KIF7: variants seen among roughly 807,000 people sequenced by gnomAD.
KIF7 encodes the protein kinesin-like protein KIF7.
In KIF7, 104 loss-of-function variants were observed where a neutral mutation model predicts 135.7. The ratio of observed to expected loss-of-function variants is 0.77; its 90% CI spans 0.65 to 0.90. The LOEUF (loss-of-function observed/expected upper bound fraction) is 0.90. KIF7 is among the 40% of genes least tolerant of loss of function. The pLI is 0.00. For synonymous variants in KIF7, 883 were observed against 809.4 expected (o/e 1.09, Z -1.54); for missense variants, 2,005 against 1,839.1 (o/e 1.09, Z -1.65).
chr15:89,645,553 C>A (rs1287552697), intron 8 of KIF7, 102 bp from the exon 9 acceptor site: 4 of 905,812 alleles, frequency 4.4e-6, no homozygotes, highest in Admixed American at 2.0e-5. Flanking sequence ...GGTCTTCCAC[C>A]TCCCAGGGTC....
chr15:89,647,350 C>T (rs994821348), intron 6 of KIF7, among the ~76,000 whole-genome samples: 1 of 152,180 alleles, frequency 6.6e-6, no homozygotes, highest in Non-Finnish European at 1.5e-5. Context: ...GCTGCTGCCC[C>T]TCCTGTCCCC....
At chr15:89,654,624 G>A (rs1964179266) in intron 1 of KIF7, among the ~76,000 whole-genome samples, 1 of 152,112 alleles carries the variant, frequency 6.6e-6, no homozygotes, top group Non-Finnish European at 1.5e-5. Flanking sequence ...TCCCAGACCA[G>A]GAGCTGGAAG....
At chr15:89,642,122 C>T (rs997548259) in intron 11 of KIF7, 81 bp downstream of exon 11, 2 of 1,428,958 alleles carry the variant, frequency 1.4e-6, no homozygotes, top group Non-Finnish European at 9.7e-7. Context: ...GGCCTCAGAG[C>T]CCACATGTCC....
At chr15:89,625,985 T>C (rs115462840), downstream of KIF7, 1,241 of 1,607,150 alleles carry the variant, frequency 7.7e-4, 12 homozygotes, top group African/African-American at 0.014. Flanking sequence ...TCTCTGCCAG[T>C]GCCCTCCAGG....
At chr15:89,624,024 A>G (rs1054307582), downstream of KIF7, 1 of 1,613,808 alleles carries the variant, frequency 6.2e-7, no homozygotes, top group Non-Finnish European at 8.5e-7. Flanking sequence ...AGCCCAGGAG[A>G]GAGTGTCTCA....
In KIF7 at chr15:89,645,493, T is replaced by C. The variant is rs969063647; in HGVS notation, c.1923-42A>G. Reference sequence around the variant, plus strand: ...GGAGGCCATGCTCCTCCCCAGCCCCTGCCCCAGCCTAGCCACCCCCAGGCC... The same window carrying C: ...GGAGGCCATGCTCCTCCCCAGCCCCCGCCCCAGCCTAGCCACCCCCAGGCC... On this transcript the variant is annotated intron_variant, in intron 8 of 18. Transcript: ENST00000394412. 3.3e-6 allele frequency: 5 copies of C among 1,500,156 alleles called. No homozygotes were observed. The Admixed American group carries it at 9.2e-5, about 28-fold the overall frequency. 92.9% of individuals were successfully genotyped at this position (1,500,156 alleles called of 1,614,324 possible).
downstream of KIF7, chr15:89,623,502 A>G: frequency 9.4e-7 from 1 of 1,059,652 alleles, no homozygotes; most frequent in Non-Finnish European, 1.4e-6. Flanking sequence ...TGAGATTTCC[A>G]TCTTTAGATC....
At chr15:89,644,980 G>A (rs369444819) in intron 10 of KIF7, 33 bp downstream of exon 10, 166 of 1,604,722 alleles carry the variant, frequency 1.0e-4, no homozygotes, top group Non-Finnish European at 1.3e-4. Context: ...AGTCCCCCTC[G>A]GGTGAGAGGC....
chr15:89,623,790 C>A, downstream of KIF7: 1 of 1,613,966 alleles, frequency 6.2e-7, no homozygotes, highest in South Asian at 1.1e-5. Flanking sequence ...TAAAAGACTC[C>A]TCCTCACCCG....
chr15:89,623,341 T>C (rs1018410028), downstream of KIF7, among the ~76,000 whole-genome samples: 20 of 152,220 alleles, frequency 1.3e-4, no homozygotes, highest in Admixed American at 1.3e-4. Context: ...GTAGAATGAT[T>C]CCATTAGAGG....
chr15:89,633,381 A>C, intron 12 of KIF7, 115 bp from the exon 13 acceptor site: 1 of 1,353,472 alleles, frequency 7.4e-7, no homozygotes, highest in Non-Finnish European at 1.0e-6. Flanking sequence ...GGCCCTGCGA[A>C]GTGTCCCCCA....
chr15:89,620,271 C>T lies in KIF7; in HGVS notation c.181-2076G>A, dbSNP rs540296957. ...TCACCCAGGCTGGAGTGCAGTGGCA[C>T]GAACACAGCTCACTGTAGCCTCAAC... On this transcript the variant is annotated intron_variant and NMD_transcript_variant, in intron 1 of 2. Coordinates refer to the KIF7 transcript ENST00000558928. Among the ~76,000 whole-genome samples the T allele has an allele frequency of 7.2e-5, 11 of 152,186 alleles. No individual in the cohort carries two copies. In the East Asian group the frequency reaches 1.5e-3, roughly 21 times the overall value.
intron 16 of KIF7, chr15:89,630,052 A>G (rs1166904802): frequency 1.2e-5 from 7 of 586,194 alleles, no homozygotes; most frequent in Non-Finnish European, 2.1e-5. Flanking sequence ...TATTGTGGCC[A>G]TGGACCACCC....
rs745650354 is a variant in KIF7 at position 89,618,242 on chromosome 15, A to G, written c.181-47T>C. 8.1e-6 allele frequency: 13 copies of G among 1,595,942 alleles called. No homozygotes were observed. In the Admixed American group the frequency reaches 2.2e-4, roughly 27 times the overall value. ...GTTATCTCTTTTTGTTTTTAATGCA[A>G]TCTACCCAGCTTCTATGAAAACCTT... On this transcript the variant is annotated intron_variant and NMD_transcript_variant, in intron 1 of 2. Transcript: ENST00000558928.
In KIF7 at chr15:89,647,705, T is replaced by C; in HGVS notation, c.1451A>G (p.Glu484Gly). 6.4e-7 allele frequency: 1 copy of C among 1,572,558 alleles called. No individual in the cohort carries two copies. ...CAGGGTCAGCAGCTGCTGCGCCCCCTCATCCTCCTATAGGGCAGGGAGAGG... is the reference window on the plus strand; with the variant it reads ...CAGGGTCAGCAGCTGCTGCGCCCCCCCATCCTCCTATAGGGCAGGGAGAGG... ...AQGAGGRKED[E>G]GAQQLLTLQN... is the part of the protein sequence containing the mutation. Residue 484 changes from glutamate to glycine, a missense_variant, in exon 6 of 19, where the codon GAG (glutamate) becomes GGG (glycine). Glu to Gly is a moderately conservative substitution (Grantham distance 98, BLOSUM62 -2). Transcript: ENST00000394412.
chr15:89,644,495 T>G, intron 10 of KIF7, among the ~76,000 whole-genome samples: 1 of 148,670 alleles, frequency 6.7e-6, no homozygotes. Flanking sequence ...GCCAACATGG[T>G]GAAACCCCAT....
At chr15:89,636,387 T>C (rs1236221824) in intron 11 of KIF7, among the ~76,000 whole-genome samples, 4 of 133,680 alleles carry the variant, frequency 3.0e-5, no homozygotes, top group African/African-American at 8.8e-5. Context: ...GACTGGCAAA[T>C]TGGATAAAGA....
chr15:89,642,425 T>TTTTTTTAATGATC lies in KIF7; in HGVS notation c.2192-21_2192-20insGATCATTAAAAAA. On this transcript the variant is annotated intron_variant, in intron 10 of 18. Transcript: ENST00000394412. ...CCTTTCCTGGAAGAAAGCGGGAATG[T>TTTTTTTAATGATC]CAGCACAGGCAGCCCTGCTCCACCG... 6.4e-7 allele frequency: 1 copy of TTTTTTTAATGATC among 1,563,524 alleles called. No homozygotes were observed. The highest frequency in any genetic ancestry group is 8.7e-7 in the Non-Finnish European group (1 of 1,154,960).
chr15:89,652,870 G>T lies in KIF7; in HGVS notation c.61C>A (p.Arg21=). 1 of 1,545,560 alleles carries T rather than the reference G, an allele frequency of 6.5e-7. No homozygotes were observed. Among genetic ancestry groups the T allele is most frequent in the South Asian group, 1.2e-5 (1 of 83,880 alleles). ...TCCTTGGGCAGCAGTGGTCGAACTC[G>T]CAGGGCAACCCGCACTGGGGCCTCC... ...AEEAPVRVAL[R]VRPLLPKELL... is the part of the protein sequence containing the mutation. Residue 21 remains arginine, a synonymous_variant, in exon 2 of 19, where the codon CGA becomes AGA. Coordinates refer to ENST00000394412, the MANE Select transcript of KIF7 (RefSeq NM_198525.3).
Sources: gnomAD v4.1 joint callset for allele counts (sites outside exome capture counted in the v4.1 genomes callset) on GRCh38, gnomAD v4.1.1 for gene constraint, MANE v1.5 for transcripts, NCBI Gene and HGNC (gene_info 2026-07-23, HGNC 2026-07-21) for gene names.